The following HECW1 variants were observed in gnomAD, a reference collection of about 807,000 sequenced individuals.
HECW1 encodes E3 ubiquitin-protein ligase HECW1.
In HECW1, 61 loss-of-function variants were observed where a neutral mutation model predicts 182.3. The ratio of observed to expected loss-of-function variants is 0.33; its 90% CI spans 0.27 to 0.41. The LOEUF is 0.41. HECW1 is among the 10% of genes least tolerant of loss of function. HECW1 has a pLI of 1.00. For missense variants in HECW1, 1,739 were observed against 2,108.9 expected, an observed-to-expected ratio of 0.82 and a Z score of 3.44; for synonymous variants, 859 against 832.6, an observed-to-expected ratio of 1.03 and a Z score of -0.55.
chr7:43,369,729 C>CA (rs34402149), intron 6 of HECW1, among the ~76,000 whole-genome samples: 96,668 of 151,996 alleles, frequency 0.64, 31,078 homozygotes, highest in African/African-American at 0.72. Context: ...ACTTCTTAAA[C>CA]AAAGGCTTTT....
chr7:43,302,624 G>T (rs765764908), intron 3 of HECW1, among the ~76,000 whole-genome samples: 2 of 152,190 alleles, frequency 1.3e-5, no homozygotes, highest in Non-Finnish European at 2.9e-5. Context: ...GCCCCGGGAG[G>T]ATGATGTGGC....
chr7:43,304,508 C>T (rs1584403655), intron 3 of HECW1, among the ~76,000 whole-genome samples: 1 of 138,026 alleles, frequency 7.2e-6, no homozygotes, highest in South Asian at 2.4e-4. Context: ...ATTTATTTAT[C>T]GATATGGAGT....
rs1798841372 is a variant in HECW1 at position 43,241,173 on chromosome 7, A to G, written c.-31-2702A>G. ...TGTCAGGCTGGATCCCATATGGCAG[A>G]AGCAAGGGGCCGTGCAGATCTGTGT... On this transcript the variant is annotated intron_variant, in intron 2 of 29. Coordinates refer to ENST00000395891, the MANE Select transcript of HECW1 (RefSeq NM_015052.5). 2.0e-5 allele frequency: 3 copies of G among 152,330 alleles called. No homozygotes were observed. The South Asian group carries it at 6.2e-4, about 32-fold the overall frequency. 9.4% of individuals were successfully genotyped at this position (152,330 alleles called of 1,614,324 possible).
intron 2 of HECW1, among the ~76,000 whole-genome samples, chr7:43,190,732 G>T (rs1203929525): frequency 6.6e-6 from 1 of 152,178 alleles, no homozygotes; most frequent in Non-Finnish European, 1.5e-5. Flanking sequence ...TCTGCACACA[G>T]ACCCTCTTCC....
At chr7:43,233,361 T>G (rs1654569097) in intron 2 of HECW1, among the ~76,000 whole-genome samples, 1 of 152,216 alleles carries the variant, frequency 6.6e-6, no homozygotes, top group South Asian at 2.1e-4. Flanking sequence ...TATATCCAAG[T>G]CAGTGCATGC....
intron 6 of HECW1, among the ~76,000 whole-genome samples, chr7:43,372,049 T>C (rs1265209194): frequency 6.6e-6 from 1 of 152,132 alleles, no homozygotes; most frequent in African/African-American, 2.4e-5. Context: ...CTTGAACTCC[T>C]GACCTCAGGA....
At chr7:43,240,876 T>C (rs1230414232) in intron 2 of HECW1, among the ~76,000 whole-genome samples, 2 of 152,148 alleles carry the variant, frequency 1.3e-5, no homozygotes, top group East Asian at 3.9e-4. Context: ...CTCCTATTGC[T>C]GTGCCACAAG....
At chr7:43,424,981 T>C (rs2076310148) in intron 8 of HECW1, among the ~76,000 whole-genome samples, 1 of 152,130 alleles carries the variant, frequency 6.6e-6, no homozygotes, top group Non-Finnish European at 1.5e-5. Flanking sequence ...GAGGGAATAA[T>C]GGGTATGGGT....
intron 16 of HECW1, among the ~76,000 whole-genome samples, chr7:43,479,294 C>T (rs562738399): frequency 2.6e-5 from 4 of 152,216 alleles, no homozygotes; most frequent in African/African-American, 9.6e-5. Context: ...AGTGTGCAAC[C>T]CAGATCCCAC....
chr7:43,246,442 G>A (rs1335615850), intron 3 of HECW1, among the ~76,000 whole-genome samples: 1 of 152,150 alleles, frequency 6.6e-6, no homozygotes, highest in African/African-American at 2.4e-5. Context: ...TATAAACACC[G>A]GTTCTCAACC....
At chr7:43,375,890 CA>C (rs71011911) in intron 6 of HECW1, among the ~76,000 whole-genome samples, 3,059 of 102,808 alleles carry the variant, frequency 0.03, 62 homozygotes, top group African/African-American at 0.087. Context: ...AGACCCTTCT[CA>C]AAAAAAAAAA....
chr7:43,325,941 T>C (rs1017828352), intron 5 of HECW1, among the ~76,000 whole-genome samples: 1 of 152,220 alleles, frequency 6.6e-6, no homozygotes, highest in Non-Finnish European at 1.5e-5. Context: ...CATCATGCCA[T>C]CTGTCTCAGT....
At chr7:43,556,216 A>C (rs1477896131) in intron 29 of HECW1, among the ~76,000 whole-genome samples, 1 of 152,164 alleles carries the variant, frequency 6.6e-6, no homozygotes, top group African/African-American at 2.4e-5. Flanking sequence ...GAGGATTGGG[A>C]GGCAAGGAAT....
chr7:43,551,056 C>T (rs995167883), intron 27 of HECW1, among the ~76,000 whole-genome samples: 1 of 152,140 alleles, frequency 6.6e-6, no homozygotes, highest in Non-Finnish European at 1.5e-5. Context: ...CAGGGAGGGC[C>T]GCTAGACATC....
rs755810764 is a variant in HECW1, at chr7:43,320,751, C to T, written c.460+9C>T. ...CTCGTACTTTGTGGAACGTGAGTAC[C>T]TTTACCATTCTTGTGGCTTGGCAGA... On this transcript the variant is annotated intron_variant, in intron 5 of 29. Coordinates refer to ENST00000395891, the MANE Select transcript of HECW1 (RefSeq NM_015052.5). 6.3e-7 allele frequency: 1 copy of T among 1,589,624 alleles called. No homozygotes were observed. The highest frequency in any genetic ancestry group is 2.2e-5 in the East Asian group (1 of 44,802).
chr7:43,553,032 T>C (rs1280577730), intron 28 of HECW1, among the ~76,000 whole-genome samples: 1 of 152,176 alleles, frequency 6.6e-6, no homozygotes, highest in East Asian at 1.9e-4. Flanking sequence ...TCCTACAGAA[T>C]TGGAGCCCTC....
At chr7:43,230,819 A>T (rs1297282310) in intron 2 of HECW1, among the ~76,000 whole-genome samples, 1 of 152,240 alleles carries the variant, frequency 6.6e-6, no homozygotes, top group African/African-American at 2.4e-5. Flanking sequence ...TCTGAGTGAA[A>T]TATATTAGGG....
At chr7:43,307,346 A>G (rs1281367496) in intron 3 of HECW1, among the ~76,000 whole-genome samples, 1 of 152,212 alleles carries the variant, frequency 6.6e-6, no homozygotes, top group Non-Finnish European at 1.5e-5. Flanking sequence ...AAGACAAAAG[A>G]TACTTGAGTT....
chr7:43,503,835 A>T (rs1428475480), intron 21 of HECW1, among the ~76,000 whole-genome samples: 1 of 152,208 alleles, frequency 6.6e-6, no homozygotes, highest in African/African-American at 2.4e-5. Flanking sequence ...CGGTAGTGAA[A>T]ATCATAATTA....
Sources: allele counts gnomAD v4.1 joint callset (sites outside exome capture counted in the v4.1 genomes callset), GRCh38; gene constraint gnomAD v4.1.1; transcripts MANE v1.5; gene names NCBI Gene and HGNC (gene_info 2026-07-23, HGNC 2026-07-21).